Variants in NLGN4X observed in about 807,000 individuals in gnomAD.
NLGN4X encodes neuroligin 4 X-linked, also known as neuroligin-4, X-linked.
In NLGN4X, 3 loss-of-function variants were observed where a neutral mutation model predicts 40.3. That is an observed-to-expected ratio of 0.07 (90% CI 0.03 to 0.19). NLGN4X has a LOEUF of 0.19. NLGN4X is among the 10% of genes least tolerant of loss of function. NLGN4X has a pLI of 1.00. For missense variants in NLGN4X, 382 were observed against 708.3 expected (o/e 0.54, Z 5.23); for synonymous variants, 270 against 306.8 (o/e 0.88, Z 1.25).
rs186215018 is a variant in NLGN4X, at chrX:6,024,143, T to C, written c.625+5137A>G. 2.5e-3 allele frequency among the ~76,000 whole-genome samples: 281 copies of C among 112,024 alleles called. 3 individuals carry two copies. Among genetic ancestry groups the C allele is most frequent in the African/African-American group, 8.8e-3 (272 of 30,835 alleles). On this transcript the variant is annotated intron_variant, in intron 3 of 5. Coordinates refer to ENST00000381095, the MANE Select transcript of NLGN4X (RefSeq NM_181332.3). ...CTCTGCAGTTTCTGTCTGGAGGTGA[T>C]TGTTCTGAAAGTTTATTACCTGGAT...
chrX:6,037,990 ACATGCAGTCCCGACTAAGACAGGTAATGC>A (rs1484250396), intron 2 of NLGN4X, among the ~76,000 whole-genome samples: 1 of 111,856 alleles, frequency 8.9e-6, no homozygotes, highest in Non-Finnish European at 1.9e-5. Context: ...GACCCTTTTA[ACATGCAGTCCCGACTAAGACAGGTAATGC>A]CATGCAGTCC....
chrX:6,029,919 A>G (rs1485078825), intron 2 of NLGN4X, among the ~76,000 whole-genome samples: 2 of 111,712 alleles, frequency 1.8e-5, no homozygotes, highest in Non-Finnish European at 3.8e-5. Context: ...CAATAAAAAC[A>G]TAAAAGTAGT....
chrX:6,086,149 G>A (rs2038491285), intron 2 of NLGN4X, among the ~76,000 whole-genome samples: 1 of 112,143 alleles, frequency 8.9e-6, no homozygotes, highest in African/African-American at 3.2e-5. Flanking sequence ...AATGAATTAT[G>A]CCAAGTGAGC....
chrX:5,956,816 A>T (rs2034506608), intron 3 of NLGN4X, among the ~76,000 whole-genome samples: 2 of 112,301 alleles, frequency 1.8e-5, no homozygotes. Flanking sequence ...ATGTATCCTG[A>T]TCTGTTGTCC....
intron 2 of NLGN4X, among the ~76,000 whole-genome samples, chrX:6,109,446 A>G (rs1440911581): frequency 1.8e-5 from 2 of 112,344 alleles, no homozygotes; most frequent in Non-Finnish European, 3.7e-5. Context: ...TTGTATGGAG[A>G]TTGGGGTTAG....
chrX:6,227,384 A>G (rs949730433), intron 1 of NLGN4X, among the ~76,000 whole-genome samples: 1 of 107,582 alleles, frequency 9.3e-6, no homozygotes, highest in African/African-American at 3.4e-5. Flanking sequence ...GGCACCGACT[A>G]GGGCTCCAGA....
intron 2 of NLGN4X, chrX:6,032,710 A>G (rs1430354865): frequency 2.5e-6 from 3 of 1,193,297 alleles, no homozygotes; most frequent in Middle Eastern, 2.3e-4. Context: ...CACCACGGTC[A>G]TTACTCGTTA....
At chrX:5,993,200 T>C (rs1000891477) in intron 3 of NLGN4X, among the ~76,000 whole-genome samples, 1 of 111,153 alleles carries the variant, frequency 9.0e-6, no homozygotes, top group Non-Finnish European at 1.9e-5. Flanking sequence ...TTATATCCAT[T>C]AGATGCCAGA....
chrX:5,893,691 G>C (rs1378980378), intron 5 of NLGN4X, 25 bp from the exon 6 acceptor site: 4 of 1,206,856 alleles, frequency 3.3e-6, no homozygotes, highest in Non-Finnish European at 4.5e-6. Context: ...AAGAAAAAAA[G>C]AAAGGTCATA....
chrX:6,033,920 C>A (rs985460997), intron 2 of NLGN4X, among the ~76,000 whole-genome samples: 1 of 112,303 alleles, frequency 8.9e-6, no homozygotes, highest in Admixed American at 9.4e-5. Context: ...TCAATCAAGA[C>A]AGTCTTTGCC....
intron 2 of NLGN4X, among the ~76,000 whole-genome samples, chrX:6,095,525 T>C (rs1280827965): frequency 1.8e-5 from 2 of 112,639 alleles, no homozygotes; most frequent in African/African-American, 6.5e-5. Context: ...AGTTTTACCT[T>C]TTATGATTTT....
rs146866284 is a variant in NLGN4X at position 5,987,351 on chromosome X, T to C, written c.625+41929A>G. 3.6e-4 allele frequency among the ~76,000 whole-genome samples: 41 copies of C among 112,636 alleles called. No individual in the cohort carries two copies. In the East Asian group the frequency reaches 7.9e-3, roughly 22 times the overall value. The stretch of plus-strand genomic sequence containing the variant: ...GGAAATGAGTAGTAAAAGGGAATAA[T>C]GGTTATCACGGAGGAGGATAAGGAG... On this transcript the variant is annotated intron_variant, in intron 3 of 5. Transcript: ENST00000381095.
intron 3 of NLGN4X, among the ~76,000 whole-genome samples, chrX:5,971,726 C>T (rs1226601807): frequency 9.0e-6 from 1 of 111,607 alleles, no homozygotes; most frequent in Non-Finnish European, 1.9e-5. Flanking sequence ...CACAATAACA[C>T]ACATAATGGA....
intron 2 of NLGN4X, among the ~76,000 whole-genome samples, chrX:6,086,433 A>G (rs1421416051): frequency 8.9e-6 from 1 of 112,040 alleles, no homozygotes; most frequent in Non-Finnish European, 1.9e-5. Context: ...TGCAAGCCAT[A>G]TATTATTCCC....
intron 2 of NLGN4X, among the ~76,000 whole-genome samples, chrX:6,043,673 G>A (rs149523300): frequency 0.013 from 1,416 of 111,454 alleles, 21 homozygotes; most frequent in African/African-American, 0.043. Flanking sequence ...TTCACAACTC[G>A]CCCTTAGCGT....
At chrX:5,929,480 A>G (rs1168353730) in intron 3 of NLGN4X, among the ~76,000 whole-genome samples, 1 of 111,550 alleles carries the variant, frequency 9.0e-6, no homozygotes, top group Non-Finnish European at 1.9e-5. Context: ...ACAAAAATGT[A>G]TATGTGTATA....
At chrX:6,094,587 C>G (rs73627050) in intron 2 of NLGN4X, among the ~76,000 whole-genome samples, 22,535 of 110,198 alleles carry the variant, frequency 0.2, 1,776 homozygotes, top group Admixed American at 0.26. Context: ...GGTGCTAGAG[C>G]TGGCAATGAC....
intron 2 of NLGN4X, among the ~76,000 whole-genome samples, chrX:6,091,343 G>T (rs890271963): frequency 9.0e-6 from 1 of 111,260 alleles, no homozygotes; most frequent in Non-Finnish European, 1.9e-5. Context: ...TTTAAAATAA[G>T]ATCAAATAAG....
chrX:6,059,931 T>A, intron 2 of NLGN4X, among the ~76,000 whole-genome samples: 1 of 112,151 alleles, frequency 8.9e-6, no homozygotes, highest in Non-Finnish European at 1.9e-5. Context: ...GTCACCTACA[T>A]AATTATATAG....
Sources: gnomAD v4.1 joint callset for allele counts (sites outside exome capture counted in the v4.1 genomes callset) on GRCh38, gnomAD v4.1.1 for gene constraint, MANE v1.5 for transcripts, NCBI Gene and HGNC (gene_info 2026-07-23, HGNC 2026-07-21) for gene names.